KLHL23: variants seen among roughly 807,000 people sequenced by gnomAD.
KLHL23 encodes the protein kelch like family member 23.
KLHL23 carries 33 observed loss-of-function variants against 48.9 expected under a neutral mutation model. The observed-to-expected ratio is 0.67, with a 90% confidence interval of 0.51 to 0.90. The LOEUF (loss-of-function observed/expected upper bound fraction) is 0.90. Among genes scored for constraint, KLHL23 ranks in the 40% least tolerant of loss-of-function variants. The probability of loss-of-function intolerance (pLI) is 0.00; values close to 1 mark genes in which losing one functional copy is unlikely to be tolerated. For synonymous variants in KLHL23, 234 were observed against 231.6 expected (o/e 1.01, Z -0.09); for missense variants, 608 against 669.6 (o/e 0.91, Z 1.02).
chr2:169,735,713 G>C lies in KLHL23; in HGVS notation c.699G>C (p.Val233=). The C allele has an allele frequency of 1.2e-6, 2 of 1,614,004 alleles. No homozygotes were observed. Among genetic ancestry groups the C allele is most frequent in the Non-Finnish European group, 1.7e-6 (2 of 1,180,032 alleles). Residue 233 remains valine, a synonymous_variant, in exon 2 of 4, where the codon GTG becomes GTC. Transcript: ENST00000392647. The surrounding 1 kb of genome is among the most constrained non-coding windows in gnomAD (Gnocchi z 4.5). ...ATATCAACATTGATATAGATCCAGT[G>C]TACTTAAAAACAGCCTTAGGCCTTC... is the stretch of plus-strand genomic sequence containing the variant. ...LSYINIDIDP[V]YLKTALGLQR... is the part of the protein sequence containing the mutation.
rs1184348322 is a variant in KLHL23, at chr2:169,750,700, A to G, written c.*968A>G. ...ACTGTGCAAAAGATTGTTACTGTTC[A>G]AAGAGCTTACAAACTAAATTTAAAA... is the stretch of plus-strand genomic sequence containing the variant. On this transcript the variant is annotated 3_prime_UTR_variant, in exon 4 of 4. Transcript: ENST00000392647. 6.6e-6 allele frequency: 1 copy of G among 152,222 alleles called. No homozygotes were observed. The highest frequency in any genetic ancestry group is 1.5e-5 in the Non-Finnish European group (1 of 68,040). 9.4% of individuals were successfully genotyped at this position (152,222 alleles called of 1,614,324 possible).
chr2:169,743,237 A>G (rs1413154706), intron 3 of KLHL23, among the ~76,000 whole-genome samples: 2 of 152,232 alleles, frequency 1.3e-5, no homozygotes, highest in African/African-American at 4.8e-5. Flanking sequence ...AATTTAATGT[A>G]TATGTCATTA....
At chr2:169,744,562 A>ATT (rs139426346) in intron 3 of KLHL23, among the ~76,000 whole-genome samples, 159 of 145,488 alleles carry the variant, frequency 1.1e-3, no homozygotes, top group Admixed American at 2.1e-3. Flanking sequence ...AGTCTGGGTA[A>ATT]TTTTTTTTTT....
At chr2:169,741,789 A>C (rs1688681355) in intron 3 of KLHL23, among the ~76,000 whole-genome samples, 1 of 152,214 alleles carries the variant, frequency 6.6e-6, no homozygotes, top group Non-Finnish European at 1.5e-5. Flanking sequence ...GTGGTCAAAA[A>C]TATTAGCGTC....
Position 169,749,571 on chromosome 2 carries a change from A to G in KLHL23, c.1516A>G (p.Met506Val), listed in dbSNP as rs745369251. 1.5e-5 allele frequency: 25 copies of G among 1,614,026 alleles called. No homozygotes were observed. The South Asian group carries it at 2.4e-4, about 16-fold the overall frequency. The change falls in exon 4 of 4, where the codon ATG becomes GTG. Residue 506 changes from methionine (M) to valine (V), a missense_variant. Physicochemically the swap from Met to Val is conservative, Grantham distance 21 (BLOSUM62 1). Transcript: ENST00000392647. ...GAGGATGGAGTGCGGTGCCGTCATC[A>G]TGAATGGATGTATTTATGTCACTGG... Reference protein sequence around the residue: ...ERRMECGAVIMNGCIYVTGGY... With the variant: ...ERRMECGAVIVNGCIYVTGGY...
intron 3 of KLHL23, among the ~76,000 whole-genome samples, chr2:169,748,005 TC>T (rs1457385954): frequency 1.3e-5 from 2 of 152,062 alleles, no homozygotes; most frequent in Non-Finnish European, 2.9e-5. Flanking sequence ...GTACCTATAG[TC>T]CCAGCTTCTT....
rs1688912662 is a variant in KLHL23, at chr2:169,749,983, A to ATATG, written c.*253_*254insTGTA. The ATATG allele has an allele frequency of 4.1e-5, 3 of 73,724 alleles. No homozygotes were observed. The highest frequency in any genetic ancestry group is 7.0e-5 in the African/African-American group (1 of 14,322). The allele number at this position is 73,724 out of a possible 1,614,324, so 4.6% of individuals were successfully genotyped here. Reference sequence around the variant, plus strand: ...TATGTATACATATATATGTGTATATATACGTATGTATACATATATGTGTAT... The same window carrying ATATG: ...TATGTATACATATATATGTGTATATATATGTACGTATGTATACATATATGTGTAT... On this transcript the variant is annotated 3_prime_UTR_variant, in exon 4 of 4. Transcript: ENST00000392647.
At chr2:169,741,200 G>A (rs946863625) in intron 2 of KLHL23, 185 bp from the exon 3 acceptor site, 1 of 614,904 alleles carries the variant, frequency 1.6e-6, no homozygotes, top group Non-Finnish European at 2.6e-6. Flanking sequence ...TTGTGTGCAC[G>A]TCTCACCCTC....
In KLHL23 at chr2:169,749,890, G is replaced by A; in HGVS notation, c.*158G>A. ...TAACCCTACTGTACTCCCAAACATG[G>A]TGATTCATGGTCAAGAAAAATCTTA... On this transcript the variant is annotated 3_prime_UTR_variant, in exon 4 of 4. Coordinates refer to ENST00000392647, the MANE Select transcript of KLHL23 (RefSeq NM_144711.6). 1 of 607,832 alleles carries A rather than the reference G, an allele frequency of 1.6e-6. No individual in the cohort carries two copies. Among genetic ancestry groups the A allele is most frequent in the Non-Finnish European group, 2.5e-6 (1 of 400,234 alleles). The allele number at this position is 607,832 out of a possible 1,614,324, so 37.7% of individuals were successfully genotyped here. A position where few individuals can be genotyped will look rare whatever the true frequency, so the allele number is the denominator to read the frequency against.
intron 2 of KLHL23, 129 bp from the exon 3 acceptor site, chr2:169,741,256 A>G (rs1373807618): frequency 5.6e-6 from 7 of 1,242,810 alleles, no homozygotes; most frequent in Non-Finnish European, 7.6e-6. Flanking sequence ...TTTGTCCCTT[A>G]TAGCACTTAG....
intron 2 of KLHL23, among the ~76,000 whole-genome samples, chr2:169,740,252 A>G (rs1037239847): frequency 6.6e-6 from 1 of 152,102 alleles, no homozygotes; most frequent in Admixed American, 6.5e-5. Context: ...AGCTGGGACT[A>G]CAGGCACATG....
At chr2:169,745,430 G>A (rs559837939) in intron 3 of KLHL23, among the ~76,000 whole-genome samples, 13 of 145,622 alleles carry the variant, frequency 8.9e-5, no homozygotes, top group Non-Finnish European at 1.8e-4. Flanking sequence ...GGAGAATGGT[G>A]TGAACCCGGG....
chr2:169,749,276 C>T, intron 3 of KLHL23, 146 bp from the exon 4 acceptor site: 1 of 812,606 alleles, frequency 1.2e-6, no homozygotes, highest in Non-Finnish European at 1.9e-6. Context: ...CTCAGCGTTG[C>T]AGTATTGTGT....
intron 2 of KLHL23, among the ~76,000 whole-genome samples, chr2:169,736,673 A>G (rs1688525810): frequency 6.6e-6 from 1 of 152,132 alleles, no homozygotes; most frequent in African/African-American, 2.4e-5. Context: ...AGGGGCAGAC[A>G]CCATACTCTC....
chr2:169,734,373 G>A (rs1688459389), intron 1 of KLHL23, among the ~76,000 whole-genome samples: 2 of 148,906 alleles, frequency 1.3e-5, no homozygotes, highest in African/African-American at 2.4e-5. Context: ...CCCCGCTCCT[G>A]GCCCCGGGGC....
chr2:169,749,831 G>A lies in KLHL23; in HGVS notation c.*99G>A. 2 of 1,416,838 alleles carry A rather than the reference G, an allele frequency of 1.4e-6. No homozygotes were observed. Among genetic ancestry groups the A allele is most frequent in the East Asian group, 2.3e-5 (1 of 42,854 alleles). 87.8% of individuals were successfully genotyped at this position (1,416,838 alleles called of 1,614,324 possible). On this transcript the variant is annotated 3_prime_UTR_variant, in exon 4 of 4. Transcript: ENST00000392647. Reference sequence around the variant, plus strand: ...AGTTCCTTACCTGATAATTGTGTCTGGCACATGATAGGGGATCAGTAAATT... The same window carrying A: ...AGTTCCTTACCTGATAATTGTGTCTAGCACATGATAGGGGATCAGTAAATT...
intron 3 of KLHL23, 37 bp downstream of exon 3, chr2:169,741,574 A>T: frequency 3.8e-6 from 6 of 1,575,674 alleles, no homozygotes; most frequent in Non-Finnish European, 5.2e-6. Flanking sequence ...GTATGTTGTG[A>T]TGTAGTTTAG....
In KLHL23 at chr2:169,751,220, A is replaced by T. The variant is rs1688962225; in HGVS notation, c.*1488A>T. On this transcript the variant is annotated 3_prime_UTR_variant, in exon 4 of 4. Transcript: ENST00000392647. Reference sequence around the variant, plus strand: ...GTGCCATAACTTGGGAATAGTTGGGATGTGTTGCTTAACTCCTTTACACCA... The same window carrying T: ...GTGCCATAACTTGGGAATAGTTGGGTTGTGTTGCTTAACTCCTTTACACCA... 6.6e-6 allele frequency: 1 copy of T among 152,184 alleles called. No homozygotes were observed. Among genetic ancestry groups the T allele is most frequent in the Admixed American group, 6.5e-5 (1 of 15,278 alleles). The allele number at this position is 152,184 out of a possible 1,614,324, so 9.4% of individuals were successfully genotyped here. A position where few individuals can be genotyped will look rare whatever the true frequency, so the allele number is the denominator to read the frequency against.
At chr2:169,744,202 A>G (rs1280496941) in intron 3 of KLHL23, among the ~76,000 whole-genome samples, 1 of 152,200 alleles carries the variant, frequency 6.6e-6, no homozygotes, top group Non-Finnish European at 1.5e-5. Flanking sequence ...TACATACATA[A>G]TGGAAATACA....
Sources: allele counts gnomAD v4.1 joint callset (sites outside exome capture counted in the v4.1 genomes callset), GRCh38; gene constraint gnomAD v4.1.1; non-coding constraint Gnocchi (gnomAD v3.1); transcripts MANE v1.5; gene names NCBI Gene and HGNC (gene_info 2026-07-23, HGNC 2026-07-21).